PDE1C: variants seen among roughly 807,000 people sequenced by gnomAD.
The protein encoded by PDE1C is phosphodiesterase 1C, also known as dual specificity calcium/calmodulin-dependent 3',5'-cyclic nucleotide phosphodiesterase 1C.
A neutral mutation model predicts 93.1 loss-of-function variants in PDE1C; 62 were observed. The ratio of observed to expected loss-of-function variants is 0.67; its 90% CI spans 0.54 to 0.82. The LOEUF (loss-of-function observed/expected upper bound fraction) is 0.82. PDE1C is among the 40% of genes least tolerant of loss of function. The pLI is 0.00. For missense variants in PDE1C, 742 were observed against 884.6 expected (o/e 0.84, Z 2.04); for synonymous variants, 325 against 310.1 (o/e 1.05, Z -0.50).
At chr7:32,285,166 A>T (rs990891569) in intron 1 of PDE1C, among the ~76,000 whole-genome samples, 7 of 152,206 alleles carry the variant, frequency 4.6e-5, no homozygotes, top group Non-Finnish European at 7.3e-5. Flanking sequence ...TTATGCAGCC[A>T]GCCCTGTTGC....
chr7:31,660,360 A>C, the PDE1C span, among the ~76,000 whole-genome samples: 1 of 152,256 alleles, frequency 6.6e-6, no homozygotes, highest in South Asian at 2.1e-4. Context: ...ATATCTAAAC[A>C]TATATCTATG....
chr7:32,301,516 T>G (rs189031698), upstream of PDE1C, among the ~76,000 whole-genome samples: 1 of 152,210 alleles, frequency 6.6e-6, no homozygotes, highest in African/African-American at 2.4e-5. Flanking sequence ...TTTAAACTGC[T>G]TCTCCCCAGA....
At chr7:31,858,331 A>C (rs1794273179) in intron 7 of PDE1C, among the ~76,000 whole-genome samples, 1 of 152,152 alleles carries the variant, frequency 6.6e-6, no homozygotes, top group Non-Finnish European at 1.5e-5. Flanking sequence ...ATACAGATAT[A>C]GGAAAACCAG....
chr7:31,755,157 T>C (rs1794375405), intron 17 of PDE1C, among the ~76,000 whole-genome samples: 1 of 152,158 alleles, frequency 6.6e-6, no homozygotes, highest in African/African-American at 2.4e-5. Context: ...ATACCAGAAT[T>C]CAACAATTAC....
chr7:32,056,368 A>AC (rs1794095353), intron 1 of PDE1C, among the ~76,000 whole-genome samples: 257 of 119,236 alleles, frequency 2.2e-3, no homozygotes, highest in Non-Finnish European at 2.8e-3. Flanking sequence ...CTCTCACTGA[A>AC]ACACACACAC....
chr7:31,725,427 G>A, the PDE1C span, among the ~76,000 whole-genome samples: 1 of 152,234 alleles, frequency 6.6e-6, no homozygotes, highest in African/African-American at 2.4e-5. Flanking sequence ...ACTTGTGGCA[G>A]CTAAATGGGG....
exon 1 of PDE1C, chr7:32,298,999 G>T (rs1183660590): frequency 7.9e-7 from 1 of 1,267,356 alleles, no homozygotes. Context: ...CAGAGGCGGC[G>T]AGAGGAGTGT....
At chr7:31,860,263 G>C (rs1193628457) in intron 7 of PDE1C, among the ~76,000 whole-genome samples, 3 of 152,128 alleles carry the variant, frequency 2.0e-5, no homozygotes, top group Admixed American at 2.0e-4. Flanking sequence ...TAACTGGAGT[G>C]GGGAGTAGTG....
intron 3 of PDE1C, among the ~76,000 whole-genome samples, chr7:32,086,812 T>A (rs1391819283): frequency 6.6e-6 from 1 of 152,160 alleles, no homozygotes; most frequent in Non-Finnish European, 1.5e-5. Context: ...ATGTAGAAAC[T>A]GAAACTGGAT....
intron 2 of PDE1C, among the ~76,000 whole-genome samples, chr7:32,171,532 AT>A (rs1802651963): frequency 6.7e-6 from 1 of 149,284 alleles, no homozygotes. Context: ...TAAAATTAAT[AT>A]TTTAATAAAA....
intron 1 of PDE1C, among the ~76,000 whole-genome samples, chr7:32,283,562 G>T (rs993365234): frequency 6.6e-6 from 1 of 152,180 alleles, no homozygotes; most frequent in South Asian, 2.1e-4. Context: ...GCATTGGCAT[G>T]CCAGTTCTTT....
intron 16 of PDE1C, among the ~76,000 whole-genome samples, chr7:31,780,387 G>A (rs1783315272): frequency 6.6e-6 from 1 of 152,150 alleles, no homozygotes; most frequent in Non-Finnish European, 1.5e-5. Flanking sequence ...ATGGCATAAT[G>A]CTAGGAATCA....
chr7:32,094,761 G>A (rs1371244043), intron 3 of PDE1C, among the ~76,000 whole-genome samples: 1 of 152,188 alleles, frequency 6.6e-6, no homozygotes, highest in Non-Finnish European at 1.5e-5. Context: ...ATTACTCATA[G>A]GATGAAGTCC....
intron 2 of PDE1C, among the ~76,000 whole-genome samples, chr7:32,016,816 T>C (rs1333969694): frequency 6.6e-6 from 1 of 152,216 alleles, no homozygotes; most frequent in Non-Finnish European, 1.5e-5. Context: ...TGGAAAGCTA[T>C]ACATGAAAAT....
At chr7:32,401,774 C>G (rs944306275) in intron 1 of PDE1C, among the ~76,000 whole-genome samples, 3 of 152,128 alleles carry the variant, frequency 2.0e-5, no homozygotes, top group African/African-American at 4.8e-5. Flanking sequence ...CTGAGCTGAG[C>G]AAACAAGCTT....
Position 31,753,155 on chromosome 7 carries a change from T to C in PDE1C, c.*229A>G. On this transcript the variant is annotated 3_prime_UTR_variant, in exon 18 of 18. Transcript: ENST00000396191. Reference sequence around the variant, plus strand: ...CCATAAAAACACCCCTCTTGCTAGTTTGTTGCTGGCGTCTGGGCTGATCCC... The same window carrying C: ...CCATAAAAACACCCCTCTTGCTAGTCTGTTGCTGGCGTCTGGGCTGATCCC... The C allele has an allele frequency of 2.9e-6, 1 of 348,052 alleles. No individual in the cohort carries two copies. The highest frequency in any genetic ancestry group is 5.1e-6 in the Non-Finnish European group (1 of 196,556). The allele number at this position is 348,052 out of a possible 1,614,324, so 21.6% of individuals were successfully genotyped here.
intron 1 of PDE1C, among the ~76,000 whole-genome samples, chr7:32,244,085 A>AAGAGG (rs1808736692): frequency 6.6e-6 from 1 of 152,190 alleles, no homozygotes; most frequent in Admixed American, 6.5e-5. Flanking sequence ...TTGTAGGAGG[A>AAGAGG]AGAGGTCTAA....
At chr7:31,775,212 A>G (rs1423290067) in intron 17 of PDE1C, among the ~76,000 whole-genome samples, 2 of 152,198 alleles carry the variant, frequency 1.3e-5, no homozygotes, top group Non-Finnish European at 1.5e-5. Context: ...TACAAGCATT[A>G]TTTCTAATTC....
intron 2 of PDE1C, among the ~76,000 whole-genome samples, chr7:31,948,682 G>A (rs1381527478): frequency 6.6e-6 from 1 of 152,044 alleles, no homozygotes; most frequent in Non-Finnish European, 1.5e-5. Context: ...TTGTTTTCTA[G>A]GGGGAAAGAT....
Sources: gnomAD v4.1 joint callset for allele counts (sites outside exome capture counted in the v4.1 genomes callset) on GRCh38, gnomAD v4.1.1 for gene constraint, MANE v1.5 for transcripts, NCBI Gene and HGNC (gene_info 2026-07-23, HGNC 2026-07-21) for gene names.